Variants in GRM8 observed in about 807,000 individuals in gnomAD.
GRM8 encodes metabotropic glutamate receptor 8.
In GRM8, 47 loss-of-function variants were observed where a neutral mutation model predicts 87.2. That is an observed-to-expected ratio of 0.54 (90% confidence interval 0.43 to 0.69). The LOEUF (loss-of-function observed/expected upper bound fraction) is 0.69, where lower values mean the gene tolerates loss of function less well. Among genes scored for constraint, GRM8 ranks in the 30% least tolerant of loss-of-function variants. The pLI, the probability that GRM8 is intolerant of heterozygous loss-of-function variation, is 0.00. For missense variants in GRM8, 1,019 were observed against 1,139.2 expected, an observed-to-expected ratio of 0.89 and a Z score of 1.52; for synonymous variants, 396 against 404.5, an observed-to-expected ratio of 0.98 and a Z score of 0.25.
At chr7:126,871,536 AG>A (rs1799094411) in intron 6 of GRM8, among the ~76,000 whole-genome samples, 1 of 152,196 alleles carries the variant, frequency 6.6e-6, no homozygotes, top group African/African-American at 2.4e-5. Context: ...TCAGGGAACA[AG>A]GCAGAAGAAA....
At chr7:126,709,798 G>C (rs1207011848) in intron 7 of GRM8, among the ~76,000 whole-genome samples, 1 of 152,016 alleles carries the variant, frequency 6.6e-6, no homozygotes, top group Admixed American at 6.6e-5. Flanking sequence ...AATAAGTAAA[G>C]AAATTGAGGT....
chr7:127,164,789 A>G (rs1793336428), intron 2 of GRM8, among the ~76,000 whole-genome samples: 1 of 151,950 alleles, frequency 6.6e-6, no homozygotes, highest in African/African-American at 2.4e-5. Flanking sequence ...TGTCTTAACC[A>G]TATTGGCCCA....
intron 8 of GRM8, among the ~76,000 whole-genome samples, chr7:126,596,883 T>C (rs919807411): frequency 2.6e-5 from 4 of 152,154 alleles, no homozygotes; most frequent in African/African-American, 9.7e-5. Context: ...GGACATGGAA[T>C]CTTAATTATT....
intron 7 of GRM8, among the ~76,000 whole-genome samples, chr7:126,670,125 A>G (rs1806231219): frequency 6.6e-6 from 1 of 152,122 alleles, no homozygotes; most frequent in African/African-American, 2.4e-5. Flanking sequence ...CATTTTGGCA[A>G]AATAAATAAT....
chr7:126,471,509 G>A (rs1467660890), intron 9 of GRM8, among the ~76,000 whole-genome samples: 5 of 151,958 alleles, frequency 3.3e-5, no homozygotes, highest in South Asian at 4.2e-4. Flanking sequence ...GTAGATATGC[G>A]GCGTTATTTC....
intron 9 of GRM8, among the ~76,000 whole-genome samples, chr7:126,530,400 C>T (rs992658403): frequency 3.9e-5 from 6 of 152,234 alleles, no homozygotes; most frequent in Non-Finnish European, 7.3e-5. Flanking sequence ...CATCTTCCCC[C>T]GCCCTTGAGC....
At chr7:126,837,977 A>T (rs1586145681) in intron 6 of GRM8, among the ~76,000 whole-genome samples, 1 of 152,334 alleles carries the variant, frequency 6.6e-6, no homozygotes, top group East Asian at 1.9e-4. Flanking sequence ...GAAGGAAAAC[A>T]TATCCTCTTA....
At chr7:126,547,075 T>C (rs1022429881) in intron 8 of GRM8, among the ~76,000 whole-genome samples, 1 of 152,188 alleles carries the variant, frequency 6.6e-6, no homozygotes, top group African/African-American at 2.4e-5. Flanking sequence ...AGATTCATCT[T>C]TGGGAATTTT....
chr7:126,715,372 T>C (rs1811612816), intron 7 of GRM8, among the ~76,000 whole-genome samples: 1 of 152,216 alleles, frequency 6.6e-6, no homozygotes, highest in Non-Finnish European at 1.5e-5. Context: ...TTCATGCAGT[T>C]ATGATTTAAT....
chr7:126,650,161 G>A (rs1036995161), intron 7 of GRM8, among the ~76,000 whole-genome samples: 3 of 151,996 alleles, frequency 2.0e-5, no homozygotes, highest in African/African-American at 7.2e-5. Context: ...TCACAAAGTG[G>A]GTCATGTCCA....
At chr7:127,032,990 C>T (rs1177641296) in intron 3 of GRM8, among the ~76,000 whole-genome samples, 2 of 149,096 alleles carry the variant, frequency 1.3e-5, no homozygotes, top group Non-Finnish European at 3.0e-5. Context: ...CCAGAAACTA[C>T]CCTGAGGCCT....
At chr7:126,530,811 T>A (rs1814689532) in intron 9 of GRM8, among the ~76,000 whole-genome samples, 1 of 152,186 alleles carries the variant, frequency 6.6e-6, no homozygotes, top group Non-Finnish European at 1.5e-5. Context: ...AAGCATTTAT[T>A]TATTTTTTTT....
chr7:126,534,304 A>G (rs867734683), intron 8 of GRM8, among the ~76,000 whole-genome samples: 1 of 152,356 alleles, frequency 6.6e-6, no homozygotes, highest in Middle Eastern at 3.4e-3. Flanking sequence ...TATATAAAAG[A>G]TGATCCATGT....
intron 8 of GRM8, among the ~76,000 whole-genome samples, chr7:126,587,294 A>C (rs1229797493): frequency 6.6e-6 from 1 of 152,220 alleles, no homozygotes; most frequent in African/African-American, 2.4e-5. Flanking sequence ...CTAGAACTAG[A>C]AATACCATTT....
At chr7:126,513,965 AT>A (rs3831567) in intron 9 of GRM8, among the ~76,000 whole-genome samples, 46,100 of 151,972 alleles carry the variant, frequency 0.3, 7,632 homozygotes, top group Middle Eastern at 0.41. Context: ...AATTTTAATC[AT>A]CAGGTTCTAA....
intron 3 of GRM8, among the ~76,000 whole-genome samples, chr7:126,940,236 T>C (rs1806765403): frequency 6.6e-6 from 1 of 152,266 alleles, no homozygotes; most frequent in Admixed American, 6.5e-5. Context: ...GCATGGCTTA[T>C]TTAATCCATT....
intron 2 of GRM8, 105 bp from the exon 3 acceptor site, chr7:127,106,817 T>C (rs1825851861): frequency 2.5e-6 from 2 of 789,314 alleles, no homozygotes; most frequent in East Asian, 2.5e-5. Flanking sequence ...CCTAGACATA[T>C]CAACCTGAAG....
intron 3 of GRM8, among the ~76,000 whole-genome samples, chr7:127,072,710 G>A (rs2132692830): frequency 6.6e-6 from 1 of 151,730 alleles, no homozygotes; most frequent in Non-Finnish European, 1.5e-5. Context: ...AAGATGGAAT[G>A]AGTGAATGAG....
At chr7:126,798,310 G>C (rs1822218851) in intron 6 of GRM8, among the ~76,000 whole-genome samples, 1 of 152,146 alleles carries the variant, frequency 6.6e-6, no homozygotes, top group Non-Finnish European at 1.5e-5. Context: ...ACATCAAGGA[G>C]AGTCCTGATG....
Sources: allele counts gnomAD v4.1 joint callset (sites outside exome capture counted in the v4.1 genomes callset), GRCh38; gene constraint gnomAD v4.1.1; transcripts MANE v1.5; gene names NCBI Gene and HGNC (gene_info 2026-07-23, HGNC 2026-07-21).